Variants in TENM3 observed in about 807,000 individuals in gnomAD.
The protein encoded by TENM3 is teneurin transmembrane protein 3, also known as teneurin-3.
TENM3 carries 63 observed loss-of-function variants against 255.1 expected under a neutral mutation model. The ratio of observed to expected loss-of-function variants is 0.25; its 90% confidence interval spans 0.20 to 0.30. The LOEUF is 0.30. TENM3 is among the 10% of genes least tolerant of loss of function. The pLI, the probability that TENM3 is intolerant of heterozygous loss-of-function variation, is 1.00. For missense variants in TENM3, 2,929 were observed against 3,461.1 expected, an observed-to-expected ratio of 0.85 and a Z score of 3.86; for synonymous variants, 1,306 against 1,322.3, an observed-to-expected ratio of 0.99 and a Z score of 0.27.
intron 3 of TENM3, among the ~76,000 whole-genome samples, chr4:182,586,508 C>T (rs1306191025): frequency 6.6e-6 from 1 of 152,116 alleles, no homozygotes; most frequent in Non-Finnish European, 1.5e-5. Flanking sequence ...ACACAAAAAA[C>T]ATACCCCCAA....
At chr4:181,937,832 G>A in the TENM3 span, among the ~76,000 whole-genome samples, 1 of 152,188 alleles carries the variant, frequency 6.6e-6, no homozygotes, top group Non-Finnish European at 1.5e-5. Flanking sequence ...TTCTCCCAGA[G>A]TGGAAAGTTT....
At chr4:181,924,590 C>A in the TENM3 span, among the ~76,000 whole-genome samples, 1 of 152,206 alleles carries the variant, frequency 6.6e-6, no homozygotes, top group African/African-American at 2.4e-5. Flanking sequence ...ATTGTTAATG[C>A]CTCAAGGCAA....
the TENM3 span, among the ~76,000 whole-genome samples, chr4:182,100,842 C>CATAT: frequency 2.7e-4 from 2 of 7,420 alleles, no homozygotes; most frequent in Non-Finnish European, 4.1e-4. Context: ...TATATATACT[C>CATAT]ATATATATAT....
At chr4:182,287,233 A>C (rs2150304891) in intron 1 of TENM3, among the ~76,000 whole-genome samples, 1 of 152,258 alleles carries the variant, frequency 6.6e-6, no homozygotes, top group East Asian at 1.9e-4. Flanking sequence ...GTCTCTAATA[A>C]ATAAACTAAA....
At chr4:182,261,244 G>A (rs189648621) in intron 1 of TENM3, among the ~76,000 whole-genome samples, 1 of 152,258 alleles carries the variant, frequency 6.6e-6, no homozygotes, top group Admixed American at 6.5e-5. Flanking sequence ...TGAAGTTCGA[G>A]ACACTGATTT....
the TENM3 span, among the ~76,000 whole-genome samples, chr4:181,493,366 C>A: frequency 6.7e-6 from 1 of 149,616 alleles, no homozygotes; most frequent in Admixed American, 6.7e-5. Flanking sequence ...TAAGGTAACA[C>A]AAAAATGATA....
At chr4:182,182,909 A>G (rs1251649891) in intron 1 of TENM3, among the ~76,000 whole-genome samples, 2 of 152,204 alleles carry the variant, frequency 1.3e-5, no homozygotes, top group African/African-American at 2.4e-5. Context: ...CCAACAGTCT[A>G]TTATGATTAG....
Position 182,754,875 on chromosome 4 carries a change from C to T in TENM3, c.4508C>T (p.Pro1503Leu). Reference protein sequence around the residue: ...IRIRAVSKNKPLLNSMNFYEV... With the variant: ...IRIRAVSKNKLLLNSMNFYEV... ...ATCCGGGCTGTGTCAAAGAATAAGC[C>T]TTTACTTAACTCTATGAACTTCTAT... The change falls in exon 22 of 28, where the codon CCT (proline) becomes CTT (leucine). Residue 1503 changes from proline to leucine, a missense_variant. Around this residue, in one of 6 missense-constraint regions of TENM3, gnomAD observed 1,608 missense variants for 1,884.4 expected, o/e 0.85. Transcript: ENST00000511685. The surrounding 1 kb of genome is among the most constrained non-coding windows in gnomAD (Gnocchi z 5.1). 6.2e-7 allele frequency: 1 copy of T among 1,614,008 alleles called. No homozygotes were observed. The highest frequency in any genetic ancestry group is 8.5e-7 in the Non-Finnish European group (1 of 1,179,888).
chr4:182,099,651 T>A, the TENM3 span, among the ~76,000 whole-genome samples: 1 of 152,228 alleles, frequency 6.6e-6, no homozygotes, highest in Non-Finnish European at 1.5e-5. Context: ...GCTGCTTTTG[T>A]ACTACAAGGG....
intron 3 of TENM3, among the ~76,000 whole-genome samples, chr4:182,542,727 T>C (rs2151894975): frequency 6.6e-6 from 1 of 152,330 alleles, no homozygotes; most frequent in East Asian, 1.9e-4. Context: ...TTTTGGCCTC[T>C]TAGTATACTT....
At chr4:182,293,996 T>C (rs1049790194) in intron 1 of TENM3, among the ~76,000 whole-genome samples, 1 of 152,150 alleles carries the variant, frequency 6.6e-6, no homozygotes, top group African/African-American at 2.4e-5. Context: ...GGTTGGGTCT[T>C]TCCTGCGCTC....
chr4:181,607,413 A>T, the TENM3 span, among the ~76,000 whole-genome samples: 2 of 147,640 alleles, frequency 1.4e-5, no homozygotes, highest in African/African-American at 5.0e-5. Flanking sequence ...TTGGCATTTA[A>T]TTTTTTTTTT....
chr4:181,782,524 G>A, the TENM3 span, among the ~76,000 whole-genome samples: 4 of 151,968 alleles, frequency 2.6e-5, no homozygotes, highest in Admixed American at 6.6e-5. Flanking sequence ...TTCTTTATCA[G>A]TCTTGCTAGC....
the TENM3 span, among the ~76,000 whole-genome samples, chr4:181,966,877 A>T: frequency 6.6e-6 from 1 of 152,096 alleles, no homozygotes; most frequent in African/African-American, 2.4e-5. Context: ...TGGACCACCT[A>T]TTAGTGTATA....
chr4:182,428,994 G>A (rs1771432804), intron 3 of TENM3, among the ~76,000 whole-genome samples: 1 of 152,130 alleles, frequency 6.6e-6, no homozygotes, highest in Non-Finnish European at 1.5e-5. Context: ...ATTTCCCAGT[G>A]TTAGGAAATA....
chr4:181,872,354 G>A, the TENM3 span, among the ~76,000 whole-genome samples: 1 of 122,378 alleles, frequency 8.2e-6, no homozygotes, highest in East Asian at 4.1e-4. Context: ...AGGGGTACAT[G>A]TGCAGGTTCG....
At chr4:181,700,327 T>C in the TENM3 span, among the ~76,000 whole-genome samples, 1 of 152,186 alleles carries the variant, frequency 6.6e-6, no homozygotes, top group African/African-American at 2.4e-5. Context: ...ATTTATTTCT[T>C]GATTTTAATC....
chr4:182,063,521 T>G, the TENM3 span, among the ~76,000 whole-genome samples: 1 of 152,198 alleles, frequency 6.6e-6, no homozygotes, highest in Admixed American at 6.5e-5. Flanking sequence ...ACCTGTTTAT[T>G]CAAGTGCTCC....
At chr4:181,908,481 T>G in the TENM3 span, among the ~76,000 whole-genome samples, 1 of 152,198 alleles carries the variant, frequency 6.6e-6, no homozygotes, top group African/African-American at 2.4e-5. Flanking sequence ...AATATTTACA[T>G]TCCATATTGG....
Sources: gnomAD v4.1 joint callset for allele counts (sites outside exome capture counted in the v4.1 genomes callset) on GRCh38, gnomAD v4.1.1 for gene constraint, gnomAD v4.1.1 regional missense constraint, Gnocchi (gnomAD v3.1) non-coding constraint, MANE v1.5 for transcripts, NCBI Gene and HGNC (gene_info 2026-07-23, HGNC 2026-07-21) for gene names.